The following TYW1 variants were observed in gnomAD, a reference collection of about 807,000 sequenced individuals.
The protein encoded by TYW1 is S-adenosyl-L-methionine-dependent tRNA 4-demethylwyosine synthase TYW1.
TYW1 carries 46 observed loss-of-function variants against 96.2 expected under a neutral mutation model. The ratio of observed to expected loss-of-function variants is 0.48; its 90% CI spans 0.38 to 0.61. The LOEUF is 0.61. Ranked by LOEUF, TYW1 falls within the 20% of genes least tolerant of loss-of-function variation. The probability of loss-of-function intolerance (pLI) is 0.00; values close to 1 mark genes in which losing one functional copy is unlikely to be tolerated. For synonymous variants in TYW1, 274 were observed against 323.0 expected, an observed-to-expected ratio of 0.85 and a Z score of 1.63; for missense variants, 684 against 909.6, an observed-to-expected ratio of 0.75 and a Z score of 3.19.
chr7:67,059,851 C>A (rs1795640928), intron 9 of TYW1, among the ~76,000 whole-genome samples: 2 of 151,668 alleles, frequency 1.3e-5, no homozygotes, highest in South Asian at 4.2e-4. Flanking sequence ...CGGCTCCCTG[C>A]AACCTCTGCC....
At chr7:67,105,782 G>A (rs1797220270) in intron 12 of TYW1, among the ~76,000 whole-genome samples, 1 of 152,066 alleles carries the variant, frequency 6.6e-6, no homozygotes, top group Admixed American at 6.6e-5. Flanking sequence ...CCAGAAAAAT[G>A]GAAGAAATCA....
chr7:67,168,842 G>A (rs1353066408), intron 13 of TYW1, among the ~76,000 whole-genome samples: 2 of 152,122 alleles, frequency 1.3e-5, no homozygotes, highest in Non-Finnish European at 2.9e-5. Context: ...CTCCCGAGTA[G>A]CTGGGACTAC....
chr7:67,160,230 C>A (rs1324018541), intron 13 of TYW1, among the ~76,000 whole-genome samples: 1 of 152,106 alleles, frequency 6.6e-6, no homozygotes, highest in Non-Finnish European at 1.5e-5. Context: ...CCACTGCACT[C>A]CAGCCTGAGC....
At chr7:67,132,644 A>G (rs1313968917) in intron 13 of TYW1, among the ~76,000 whole-genome samples, 2 of 150,200 alleles carry the variant, frequency 1.3e-5, no homozygotes, top group African/African-American at 5.0e-5. Flanking sequence ...ACCACCATCC[A>G]TCTCCAGAGC....
At chr7:67,124,404 AT>A (rs932715135) in intron 13 of TYW1, among the ~76,000 whole-genome samples, 2 of 150,978 alleles carry the variant, frequency 1.3e-5, no homozygotes, top group Non-Finnish European at 1.5e-5. Flanking sequence ...GGCTAAAAAT[AT>A]TTTTTTTTGA....
At chr7:67,111,958 G>T (rs1381544337) in intron 12 of TYW1, among the ~76,000 whole-genome samples, 1 of 151,946 alleles carries the variant, frequency 6.6e-6, no homozygotes, top group Non-Finnish European at 1.5e-5. Flanking sequence ...AATTGGCTGG[G>T]CATGGTGGTG....
intron 11 of TYW1, among the ~76,000 whole-genome samples, chr7:67,094,290 A>G (rs576037048): frequency 6.6e-6 from 1 of 152,240 alleles, no homozygotes; most frequent in East Asian, 1.9e-4. Flanking sequence ...GCTATTGTGA[A>G]TAGTGCTGCG....
chr7:67,201,381 C>G (rs1800594900), intron 15 of TYW1, among the ~76,000 whole-genome samples: 1 of 142,460 alleles, frequency 7.0e-6, no homozygotes, highest in South Asian at 2.3e-4. Context: ...AACTGTTTCA[C>G]CCTCAGGTCT....
chr7:67,231,879 T>A (rs930350495), intron 15 of TYW1, among the ~76,000 whole-genome samples: 19 of 151,696 alleles, frequency 1.3e-4, no homozygotes, highest in African/African-American at 4.1e-4. Context: ...TGTCTAGAAC[T>A]ACTAAAAAGA....
intron 15 of TYW1, among the ~76,000 whole-genome samples, chr7:67,230,722 G>T (rs549896429): frequency 6.8e-6 from 1 of 146,150 alleles, no homozygotes; most frequent in Non-Finnish European, 1.5e-5. Context: ...GCGCGATCTC[G>T]GCTCACTGCA....
chr7:67,053,056 A>G (rs1277097625), intron 8 of TYW1, among the ~76,000 whole-genome samples: 2 of 149,424 alleles, frequency 1.3e-5, no homozygotes, highest in African/African-American at 4.9e-5. Flanking sequence ...ATTTTTATAT[A>G]AACACTCTTA....
intron 14 of TYW1, among the ~76,000 whole-genome samples, chr7:67,193,887 A>G (rs376932264): frequency 6.2e-4 from 93 of 150,672 alleles, no homozygotes; most frequent in Middle Eastern, 3.4e-3. Flanking sequence ...AATGTGTATG[A>G]GGGGTGCACA....
intron 12 of TYW1, among the ~76,000 whole-genome samples, chr7:67,099,505 A>G (rs1449960359): frequency 1.3e-5 from 2 of 152,218 alleles, no homozygotes; most frequent in Non-Finnish European, 2.9e-5. Context: ...GTGGAAGTCA[A>G]GTTAGAAAGG....
intron 8 of TYW1, among the ~76,000 whole-genome samples, chr7:67,053,459 ATCC>A (rs1233876954): frequency 6.7e-6 from 1 of 149,332 alleles, no homozygotes; most frequent in Non-Finnish European, 1.5e-5. Context: ...GGCTCACCAC[ATCC>A]TCCTCCTCCT....
rs574205604 is a variant in TYW1 at position 67,098,719 on chromosome 7, G to A, written c.1562+1G>A. 1.6e-5 allele frequency: 25 copies of A among 1,612,830 alleles called. No individual in the cohort carries two copies. In the South Asian group the frequency reaches 2.6e-4, roughly 17 times the overall value. Reference sequence around the variant, plus strand: ...ACGCACAATTTCCTGCGGAAATCAGGTGAGTTCTCCAGCCTATGGAGAGAT... The same window carrying A: ...ACGCACAATTTCCTGCGGAAATCAGATGAGTTCTCCAGCCTATGGAGAGAT... On this transcript the variant is annotated splice_donor_variant, in intron 12 of 15. Coordinates refer to ENST00000359626, the MANE Select transcript of TYW1 (RefSeq NM_018264.4). LOFTEE classifies it high-confidence loss of function.
chr7:67,029,405 G>GTATATATATA (rs1277791560), intron 7 of TYW1, among the ~76,000 whole-genome samples: 27 of 89,184 alleles, frequency 3.0e-4, no homozygotes, highest in African/African-American at 8.6e-4. Context: ...GTGTGTGTGT[G>GTATATATATA]TGTGTGTGTG....
In TYW1 at chr7:67,041,959, AT is replaced by A. The variant is rs1458980246; in HGVS notation, c.985-7984del. ...TATTTTCTTGTATAGTAGTTAATAT[AT>A]TTTTTATATAATAACATTATATTCT... On this transcript the variant is annotated intron_variant, in intron 7 of 15. Transcript: ENST00000359626. 2.7e-5 allele frequency among the ~76,000 whole-genome samples: 4 copies of A among 149,204 alleles called. No individual in the cohort carries two copies. In the East Asian group the frequency reaches 5.8e-4, roughly 22 times the overall value.
chr7:67,188,412 C>G (rs1009263147), intron 14 of TYW1, among the ~76,000 whole-genome samples: 2 of 152,122 alleles, frequency 1.3e-5, no homozygotes, highest in African/African-American at 2.4e-5. Flanking sequence ...AGGCTATAAC[C>G]TCAAACCTCT....
intron 7 of TYW1, among the ~76,000 whole-genome samples, chr7:67,041,541 C>T (rs1328970214): frequency 1.3e-5 from 2 of 152,144 alleles, no homozygotes; most frequent in Non-Finnish European, 2.9e-5. Context: ...CTCAGGTGAT[C>T]CACCTGCCTC....
Sources: allele counts gnomAD v4.1 joint callset (sites outside exome capture counted in the v4.1 genomes callset), GRCh38; gene constraint gnomAD v4.1.1; transcripts MANE v1.5; gene names NCBI Gene and HGNC (gene_info 2026-07-23, HGNC 2026-07-21).